The following DCHS2 variants were observed in gnomAD, a reference collection of about 807,000 sequenced individuals.
The protein encoded by DCHS2 is dachsous cadherin-related 2.
A neutral mutation model predicts 182.4 loss-of-function variants in DCHS2; 142 were observed. The observed-to-expected ratio is 0.78, with a 90% CI of 0.68 to 0.89. DCHS2 has a LOEUF of 0.89. DCHS2 is among the 40% of genes least tolerant of loss of function. The pLI, the probability that DCHS2 is intolerant of heterozygous loss-of-function variation, is 0.00. For synonymous variants in DCHS2, 1,740 were observed against 1,663.3 expected, an observed-to-expected ratio of 1.05 and a Z score of -1.12; for missense variants, 4,319 against 4,198.6, an observed-to-expected ratio of 1.03 and a Z score of -0.79.
intron 3 of DCHS2, chr4:154,355,809 G>A (rs1164780720): frequency 2.0e-5 from 3 of 152,016 alleles, no homozygotes; most frequent in Admixed American, 2.0e-4. Context: ...TTACTCATCT[G>A]CTTGTGGTTA....
At chr4:154,408,708 C>A (rs1217639286) in intron 1 of DCHS2, among the ~76,000 whole-genome samples, 1 of 152,168 alleles carries the variant, frequency 6.6e-6, no homozygotes, top group Non-Finnish European at 1.5e-5. Flanking sequence ...CTGTGGAGCA[C>A]AGTAACCTAC....
chr4:154,385,707 T>C (rs1248914516), intron 1 of DCHS2, among the ~76,000 whole-genome samples: 3 of 152,072 alleles, frequency 2.0e-5, no homozygotes, highest in Non-Finnish European at 4.4e-5. Flanking sequence ...TTGGCCAGGA[T>C]AGTCTCGATC....
Position 154,237,003 on chromosome 4 carries a change from G to A in DCHS2, c.7649C>T (p.Thr2550Ile). 1 of 1,613,986 alleles carries A rather than the reference G, an allele frequency of 6.2e-7. No individual in the cohort carries two copies. The highest frequency in any genetic ancestry group is 8.5e-7 in the Non-Finnish European group (1 of 1,179,914). Residue 2550 changes from threonine to isoleucine, a missense_variant, in exon 20 of 20, where the codon ACA (threonine) becomes ATA (isoleucine). Transcript: ENST00000357232. ...TAGGCTAAGATTATAGGATTTGACT[G>A]TGAATTCAGGGGCATAATTGTTCAT... ...EDMNNYAPEFTVKSYNLSLSE... is the reference protein window; with the variant it reads ...EDMNNYAPEFIVKSYNLSLSE...
At chr4:154,330,380 G>T (rs1736472975) in intron 5 of DCHS2, among the ~76,000 whole-genome samples, 1 of 152,074 alleles carries the variant, frequency 6.6e-6, no homozygotes, top group African/African-American at 2.4e-5. Flanking sequence ...AACTCTTAAT[G>T]CTTTAGAAGC....
At position 154,315,851 on chromosome 4, in the gene DCHS2, A is replaced by G. The variant is rs1171662315; in HGVS notation, c.5157T>C (p.Asp1719=). Residue 1719 remains aspartate (D), a synonymous_variant, in exon 10 of 20, where the codon GAT becomes GAC. Coordinates refer to ENST00000357232, the MANE Select transcript of DCHS2 (RefSeq NM_001358235.2). ...GGTGCTGCTTAAATACTGGAGCTTC[A>G]TCATTTACATCAAGAACAGTAACTG... ...TLTVTVLDVN[D]EAPVFKQHLY... The G allele has an allele frequency of 1.2e-6, 2 of 1,613,908 alleles. No individual in the cohort carries two copies. Among genetic ancestry groups the G allele is most frequent in the Admixed American group, 3.3e-5 (2 of 59,964 alleles).
intron 1 of DCHS2, among the ~76,000 whole-genome samples, chr4:154,430,692 T>C (rs1733524333): frequency 6.6e-6 from 1 of 152,216 alleles, no homozygotes. Flanking sequence ...TCAAAATGTA[T>C]CCATCCCCCA....
At chr4:154,370,234 G>A (rs1730579884) in intron 2 of DCHS2, among the ~76,000 whole-genome samples, 1 of 152,098 alleles carries the variant, frequency 6.6e-6, no homozygotes, top group African/African-American at 2.4e-5. Context: ...CAAATTCATT[G>A]AGAGGATGAA....
At chr4:154,419,138 G>A (rs1162006593) in intron 1 of DCHS2, among the ~76,000 whole-genome samples, 1 of 152,150 alleles carries the variant, frequency 6.6e-6, no homozygotes, top group Non-Finnish European at 1.5e-5. Context: ...TTTGCAAAAT[G>A]GTAAAGTTAC....
intron 3 of DCHS2, among the ~76,000 whole-genome samples, chr4:154,337,475 C>G (rs778765936): frequency 6.6e-6 from 1 of 152,084 alleles, no homozygotes; most frequent in Non-Finnish European, 1.5e-5. Context: ...ACATCGATGG[C>G]TCCCCAGCTT....
Position 154,236,344 on chromosome 4 carries a change from T to C in DCHS2, c.8308A>G (p.Met2770Val), listed in dbSNP as rs778935769. ...LDDNDHAPQF[M>V]FSSFSCIVPE... ...ACAATACAGCTGAAGCTTGAGAACA[T>C]AAACTGAGGTGCATGGTCGTTATCA... The change falls in exon 20 of 20, where the codon ATG becomes GTG. Residue 2770 changes from methionine to valine, a missense_variant. Physicochemically the swap from Met to Val is conservative, Grantham distance 21. Transcript: ENST00000357232. 1 of 1,614,062 alleles carries C rather than the reference T, an allele frequency of 6.2e-7. No homozygotes were observed. Among genetic ancestry groups the C allele is most frequent in the East Asian group, 2.2e-5 (1 of 44,832 alleles).
intron 2 of DCHS2, among the ~76,000 whole-genome samples, chr4:154,376,638 TA>T (rs1249276348): frequency 6.6e-6 from 1 of 152,036 alleles, no homozygotes; most frequent in Non-Finnish European, 1.5e-5. Context: ...TCTAAGAAAA[TA>T]ATGGTATGTG....
At chr4:154,262,672 G>T (rs1202858711) in intron 14 of DCHS2, among the ~76,000 whole-genome samples, 3 of 152,150 alleles carry the variant, frequency 2.0e-5, no homozygotes, top group Non-Finnish European at 4.4e-5. Flanking sequence ...ACATAATCAG[G>T]TTACTTCCAT....
intron 1 of DCHS2, among the ~76,000 whole-genome samples, chr4:154,454,175 T>A (rs145806362): frequency 9.2e-5 from 14 of 152,200 alleles, no homozygotes; most frequent in African/African-American, 3.4e-4. Flanking sequence ...AGGATATCGA[T>A]GTACTCAGCA....
intron 1 of DCHS2, among the ~76,000 whole-genome samples, chr4:154,431,031 T>C (rs980350100): frequency 1.3e-5 from 2 of 152,176 alleles, no homozygotes; most frequent in Admixed American, 1.3e-4. Context: ...CTTTCAAACA[T>C]CTCAATTATT....
intron 13 of DCHS2, among the ~76,000 whole-genome samples, chr4:154,272,623 A>G (rs1012754552): frequency 6.6e-6 from 1 of 151,980 alleles, no homozygotes; most frequent in African/African-American, 2.4e-5. Context: ...GCATGCCTCC[A>G]CCCCTTCCAC....
intron 13 of DCHS2, among the ~76,000 whole-genome samples, chr4:154,291,149 A>G (rs961912767): frequency 6.6e-6 from 1 of 152,160 alleles, no homozygotes; most frequent in Non-Finnish European, 1.5e-5. Flanking sequence ...ACATCTCTCA[A>G]TAGAATACAT....
At chr4:154,410,102 A>G (rs1732564355) in intron 1 of DCHS2, among the ~76,000 whole-genome samples, 1 of 152,204 alleles carries the variant, frequency 6.6e-6, no homozygotes, top group African/African-American at 2.4e-5. Context: ...CAGGGCCACA[A>G]AAGAATGAAA....
intron 8 of DCHS2, 52 bp downstream of exon 8, chr4:154,322,279 A>G: frequency 6.2e-7 from 1 of 1,608,060 alleles, no homozygotes; most frequent in Non-Finnish European, 8.5e-7. Flanking sequence ...TTGTAATGAA[A>G]GTCAAATGAA....
rs764258840 is a variant in DCHS2, at chr4:154,240,578, C to T, written c.7318G>A (p.Val2440Ile). The T allele has an allele frequency of 1.2e-5, 19 of 1,613,800 alleles. No homozygotes were observed. Among genetic ancestry groups the T allele is most frequent in the Non-Finnish European group, 2.5e-6 (3 of 1,179,856 alleles). ...EGALVVRVLDVNDNPPVFSQD... is the reference protein window; with the variant it reads ...EGALVVRVLDINDNPPVFSQD... ...GAAAACACTGGTGGATTATCATTGA[C>T]ATCCAGCACACGGACTACAAGTGCT... The change falls in exon 18 of 20, where the codon GTC becomes ATC. Residue 2440 changes from valine to isoleucine, a missense_variant. Physicochemically the swap from Val to Ile is conservative, Grantham distance 29. Coordinates refer to ENST00000357232, the MANE Select transcript of DCHS2 (RefSeq NM_001358235.2).
Sources: gnomAD v4.1 joint callset for allele counts (sites outside exome capture counted in the v4.1 genomes callset) on GRCh38, gnomAD v4.1.1 for gene constraint, MANE v1.5 for transcripts, NCBI Gene and HGNC (gene_info 2026-07-23, HGNC 2026-07-21) for gene names.